FAM227B: variants seen among roughly 807,000 people sequenced by gnomAD.
FAM227B encodes the protein family with sequence similarity 227 member B.
A neutral mutation model predicts 73.8 loss-of-function variants in FAM227B; 88 were observed. The observed-to-expected ratio is 1.19, with a 90% CI of 1.00 to 1.42. The LOEUF is 1.42. Ranked by LOEUF, FAM227B falls within the 40% of genes most tolerant of loss-of-function variation. The pLI is 0.00. For synonymous variants in FAM227B, 210 were observed against 190.5 expected, an observed-to-expected ratio of 1.10 and a Z score of -0.84; for missense variants, 632 against 590.9, an observed-to-expected ratio of 1.07 and a Z score of -0.72.
chr15:49,523,903 A>C (rs996044759), intron 10 of FAM227B, among the ~76,000 whole-genome samples: 4 of 152,214 alleles, frequency 2.6e-5, no homozygotes, highest in Admixed American at 2.6e-4. Flanking sequence ...GGAACTTCGA[A>C]CTTGAGAGAG....
intron 9 of FAM227B, among the ~76,000 whole-genome samples, chr15:49,548,081 T>A (rs1172419363): frequency 6.6e-6 from 1 of 152,218 alleles, no homozygotes; most frequent in East Asian, 1.9e-4. Flanking sequence ...ACAGTGTGTA[T>A]CCTTGTCATG....
At chr15:49,425,865 C>A (rs1031678042) in intron 11 of FAM227B, among the ~76,000 whole-genome samples, 6 of 151,556 alleles carry the variant, frequency 4.0e-5, no homozygotes, top group Admixed American at 2.6e-4. Flanking sequence ...TCTAGAAGAT[C>A]ATTCTTATTA....
intron 10 of FAM227B, among the ~76,000 whole-genome samples, chr15:49,527,947 T>G (rs1207738258): frequency 2.0e-5 from 3 of 151,832 alleles, no homozygotes; most frequent in African/African-American, 7.2e-5. Context: ...ATCTACTGAT[T>G]CAATGCAATT....
chr15:49,490,107 A>G (rs2056956168), intron 11 of FAM227B, among the ~76,000 whole-genome samples: 2 of 151,306 alleles, frequency 1.3e-5, no homozygotes, highest in Non-Finnish European at 3.0e-5. Flanking sequence ...CTCTTCAGAA[A>G]CTATGCCTGC....
intron 11 of FAM227B, among the ~76,000 whole-genome samples, chr15:49,372,589 T>G (rs1386162225): frequency 2.0e-5 from 3 of 152,160 alleles, no homozygotes; most frequent in Non-Finnish European, 4.4e-5. Flanking sequence ...TCAACTGGCA[T>G]GAATATGCAT....
chr15:49,517,714 TGTATAGCTCAATTAA>T, intron 10 of FAM227B, among the ~76,000 whole-genome samples: 1 of 152,284 alleles, frequency 6.6e-6, no homozygotes, highest in South Asian at 2.1e-4. Context: ...AAATCATAAA[TGTATAGCTCAATTAA>T]TTTTTTACAA....
intron 1 of FAM227B, among the ~76,000 whole-genome samples, chr15:49,616,510 T>C (rs2078298125): frequency 6.6e-6 from 1 of 152,144 alleles, no homozygotes; most frequent in South Asian, 2.1e-4. Context: ...GCTCTGTCTA[T>C]ATAAGAGAAG....
chr15:49,544,768 G>A (rs1457622053), intron 9 of FAM227B, among the ~76,000 whole-genome samples: 24 of 151,976 alleles, frequency 1.6e-4, no homozygotes, highest in Admixed American at 1.6e-3. Context: ...ATAAACATAT[G>A]CTTTTTAATT....
chr15:49,339,875 G>A (rs899020703), intron 13 of FAM227B, among the ~76,000 whole-genome samples: 2 of 152,110 alleles, frequency 1.3e-5, no homozygotes, highest in Non-Finnish European at 2.9e-5. Flanking sequence ...GCTGCGGTGG[G>A]CTCCACCCAG....
chr15:49,453,225 C>A (rs1055367467), intron 11 of FAM227B, among the ~76,000 whole-genome samples: 1 of 151,830 alleles, frequency 6.6e-6, no homozygotes, highest in African/African-American at 2.4e-5. Context: ...TCTAATACGT[C>A]ATTTCAACAC....
intron 11 of FAM227B, among the ~76,000 whole-genome samples, chr15:49,414,545 G>T (rs1225836127): frequency 6.6e-6 from 1 of 152,160 alleles, no homozygotes; most frequent in Non-Finnish European, 1.5e-5. Context: ...GGAAAAATGG[G>T]GATGTTACTG....
In FAM227B at chr15:49,367,532, T is replaced by G. The variant is rs1176407209; in HGVS notation, c.1187A>C (p.Tyr396Ser). The G allele has an allele frequency of 6.2e-7, 1 of 1,607,774 alleles. No homozygotes were observed. The highest frequency in any genetic ancestry group is 8.5e-7 in the Non-Finnish European group (1 of 1,178,622). ...AGCCAGCTCATGCATCTTAAGATAA[T>G]ATAAAATCAATGGACTCTGACCTCC... Reference protein sequence around the residue: ...NFGGQSPLILYYLKMHELAGI... With the variant: ...NFGGQSPLILSYLKMHELAGI... Residue 396 changes from tyrosine to serine, a missense_variant, in exon 13 of 16, where the codon TAT becomes TCT. Tyr to Ser is a moderately radical substitution (Grantham distance 144). Transcript: ENST00000299338.
At chr15:49,605,940 G>T (rs983333384) in intron 3 of FAM227B, among the ~76,000 whole-genome samples, 10 of 152,102 alleles carry the variant, frequency 6.6e-5, no homozygotes, top group African/African-American at 2.4e-4. Context: ...GGCTGTGGAG[G>T]GTGGGCTTGC....
intron 3 of FAM227B, among the ~76,000 whole-genome samples, chr15:49,604,141 T>A (rs554486248): frequency 6.6e-6 from 1 of 152,332 alleles, no homozygotes; most frequent in South Asian, 2.1e-4. Flanking sequence ...ATTACAGTAT[T>A]CTGATTTTGA....
At chr15:49,365,368 G>A (rs904490786) in intron 13 of FAM227B, 23 of 1,355,482 alleles carry the variant, frequency 1.7e-5, no homozygotes, top group Non-Finnish European at 2.3e-5. Flanking sequence ...CAACTGTAGA[G>A]GAAACATAGT....
chr15:49,378,178 GGTTT>G (rs2046294058), intron 11 of FAM227B, among the ~76,000 whole-genome samples: 1 of 151,978 alleles, frequency 6.6e-6, no homozygotes, highest in Admixed American at 6.6e-5. Context: ...TAGGTGTGTG[GGTTT>G]GTTTCTGGGT....
chr15:49,489,863 TATATATATATATATATATATAG>T lies in FAM227B; in HGVS notation c.1012+18326_1012+18347del, dbSNP rs1567382963. 5.3e-3 allele frequency among the ~76,000 whole-genome samples: 56 copies of T among 10,486 alleles called. 10 individuals carry two copies. Among genetic ancestry groups the T allele is most frequent in the Non-Finnish European group, 3.2e-3 (18 of 5,664 alleles). The allele number at this position is 10,486 out of a possible 152,430, so 6.9% of individuals were successfully genotyped here. A position where few individuals can be genotyped will look rare whatever the true frequency, so the allele number is the denominator to read the frequency against. On this transcript the variant is annotated intron_variant, in intron 11 of 15. Coordinates refer to ENST00000299338, the MANE Select transcript of FAM227B (RefSeq NM_152647.3). The stretch of plus-strand genomic sequence containing the variant: ...ATTTTATATATATATATATATTTTA[TATATATATATATATATATATAG>T]AGAGAGAGAGAGAGAGAGAGAGAGA...
intron 11 of FAM227B, among the ~76,000 whole-genome samples, chr15:49,472,020 G>A (rs2054824182): frequency 3.5e-5 from 5 of 144,192 alleles, no homozygotes; most frequent in African/African-American, 5.2e-5. Context: ...CTTTAGAAGT[G>A]AAAAAAAAAA....
At chr15:49,598,739 G>T (rs879526322) in intron 3 of FAM227B, among the ~76,000 whole-genome samples, 9 of 151,834 alleles carry the variant, frequency 5.9e-5, no homozygotes, top group Non-Finnish European at 1.0e-4. Context: ...TGCTAATGTG[G>T]TTTATCACAT....
Sources: gnomAD v4.1 joint callset for allele counts (sites outside exome capture counted in the v4.1 genomes callset) on GRCh38, gnomAD v4.1.1 for gene constraint, MANE v1.5 for transcripts, NCBI Gene and HGNC (gene_info 2026-07-23, HGNC 2026-07-21) for gene names.